The following KALRN variants were observed in gnomAD, a reference collection of about 807,000 sequenced individuals.
KALRN encodes the protein kalirin.
In KALRN, 70 loss-of-function variants were observed where a neutral mutation model predicts 353.7. The ratio of observed to expected loss-of-function variants is 0.20; its 90% CI spans 0.16 to 0.24. The LOEUF (loss-of-function observed/expected upper bound fraction) is 0.24. Among genes scored for constraint, KALRN ranks in the 10% least tolerant of loss-of-function variants. The probability of loss-of-function intolerance (pLI) is 1.00; values close to 1 mark genes in which losing one functional copy is unlikely to be tolerated. For missense variants in KALRN, 2,791 were observed against 3,756.7 expected, an observed-to-expected ratio of 0.74 and a Z score of 6.72; for synonymous variants, 1,391 against 1,434.8, an observed-to-expected ratio of 0.97 and a Z score of 0.69.
At chr3:124,187,991 C>T (rs1042299353) in intron 1 of KALRN, among the ~76,000 whole-genome samples, 12 of 152,162 alleles carry the variant, frequency 7.9e-5, no homozygotes, top group African/African-American at 1.2e-4. Flanking sequence ...CCTAGGGAAA[C>T]ATTTTAAAAA....
At chr3:124,655,034 G>A (rs987515682) in intron 38 of KALRN, among the ~76,000 whole-genome samples, 4 of 152,090 alleles carry the variant, frequency 2.6e-5, no homozygotes, top group African/African-American at 7.2e-5. Flanking sequence ...CTTGACTGGG[G>A]GTTTTCCAGG....
At chr3:124,593,443 A>G (rs2075997039) in intron 34 of KALRN, among the ~76,000 whole-genome samples, 1 of 152,196 alleles carries the variant, frequency 6.6e-6, no homozygotes, top group Non-Finnish European at 1.5e-5. Flanking sequence ...CTGTGTTTTA[A>G]TAAGCCCTCC....
chr3:124,560,868 C>T (rs972868108), intron 33 of KALRN, among the ~76,000 whole-genome samples: 2 of 152,268 alleles, frequency 1.3e-5, no homozygotes, highest in East Asian at 1.9e-4. Flanking sequence ...CAGAATGAGA[C>T]CCTGTCTGGG....
chr3:124,262,123 G>A (rs2072964192), intron 3 of KALRN, among the ~76,000 whole-genome samples: 1 of 152,128 alleles, frequency 6.6e-6, no homozygotes, highest in African/African-American at 2.4e-5. Context: ...CACTGCTGGT[G>A]GACATGTAAG....
At chr3:124,685,035 C>G (rs1376106043) in intron 51 of KALRN, among the ~76,000 whole-genome samples, 1 of 152,092 alleles carries the variant, frequency 6.6e-6, no homozygotes, top group Non-Finnish European at 1.5e-5. Flanking sequence ...ACTTTTACAC[C>G]CCCAGCCAGG....
At chr3:124,301,276 C>G (rs552931309) in intron 6 of KALRN, among the ~76,000 whole-genome samples, 1 of 152,220 alleles carries the variant, frequency 6.6e-6, no homozygotes, top group Non-Finnish European at 1.5e-5. Context: ...TTTCTTCAGA[C>G]AGATTTACTG....
chr3:124,148,077 C>T (rs1047404601), intron 1 of KALRN, among the ~76,000 whole-genome samples: 6 of 152,100 alleles, frequency 3.9e-5, no homozygotes, highest in Non-Finnish European at 8.8e-5. Flanking sequence ...CAAGAAACAT[C>T]CCACCCAGAT....
At chr3:124,246,160 A>G (rs1285229441) in intron 3 of KALRN, among the ~76,000 whole-genome samples, 1 of 152,232 alleles carries the variant, frequency 6.6e-6, no homozygotes, top group Non-Finnish European at 1.5e-5. Flanking sequence ...AAACCTCCGT[A>G]CTGTTTTCCA....
intron 22 of KALRN, 125 bp downstream of exon 22, chr3:124,455,484 C>T (rs189871252): frequency 9.2e-6 from 9 of 973,738 alleles, no homozygotes; most frequent in Admixed American, 5.7e-5. Flanking sequence ...ACTCCTAGAG[C>T]GCTTGACTTG....
At position 124,334,196 on chromosome 3, in the gene KALRN, C is replaced by T. The variant is rs1034945316; in HGVS notation, c.1417-69C>T. Reference sequence around the variant, plus strand: ...CTAGTCAGGGACCCTCAGGCAGACACTTCCTGCTTCTCTCTGTGCCCTGCC... The same window carrying T: ...CTAGTCAGGGACCCTCAGGCAGACATTTCCTGCTTCTCTCTGTGCCCTGCC... On this transcript the variant is annotated intron_variant, in intron 8 of 59. Transcript: ENST00000682506. The surrounding 1 kb of genome is among the most constrained non-coding windows in gnomAD (Gnocchi z 4.2). 17 of 1,353,050 alleles carry T rather than the reference C, an allele frequency of 1.3e-5. No homozygotes were observed. The highest frequency in any genetic ancestry group is 1.8e-5 in the Non-Finnish European group (17 of 948,078). 83.8% of individuals were successfully genotyped at this position (1,353,050 alleles called of 1,614,324 possible).
At chr3:124,223,758 G>A (rs888783576) in intron 1 of KALRN, among the ~76,000 whole-genome samples, 1 of 152,192 alleles carries the variant, frequency 6.6e-6, no homozygotes, top group Admixed American at 6.5e-5. Flanking sequence ...GGGCTGGGGG[G>A]CTCAAGGGCC....
At chr3:124,575,824 T>C (rs1453535226) in intron 34 of KALRN, among the ~76,000 whole-genome samples, 1 of 152,204 alleles carries the variant, frequency 6.6e-6, no homozygotes, top group Non-Finnish European at 1.5e-5. Context: ...TACACTGTCC[T>C]CACCAGAATG....
At chr3:124,303,172 C>T (rs1350836610) in intron 6 of KALRN, among the ~76,000 whole-genome samples, 2 of 152,114 alleles carry the variant, frequency 1.3e-5, no homozygotes, top group African/African-American at 4.8e-5. Flanking sequence ...GAGTGATATC[C>T]TACTAAATAT....
At chr3:124,399,593 A>G (rs2090602110) in intron 13 of KALRN, among the ~76,000 whole-genome samples, 1 of 152,348 alleles carries the variant, frequency 6.6e-6, no homozygotes, top group African/African-American at 2.4e-5. Context: ...CTTAGAGCTG[A>G]TAATATAAAT....
chr3:124,700,256 A>AGTAT (rs2062257886), intron 56 of KALRN, among the ~76,000 whole-genome samples: 1 of 152,214 alleles, frequency 6.6e-6, no homozygotes, highest in African/African-American at 2.4e-5. Flanking sequence ...CTGGGGAATG[A>AGTAT]GTATGTCCCC....
Position 124,725,308 on chromosome 3 carries a change from G to A in KALRN, c.*5838G>A, listed in dbSNP as rs2063405933. On this transcript the variant is annotated 3_prime_UTR_variant, in exon 60 of 60. Transcript: ENST00000682506. ...TTCTGACCCTGGTGCTTTTACTTCT[G>A]TTTCTGCCAAACTTCAGCCTACTCT... 1 of 152,072 alleles carries A rather than the reference G, an allele frequency of 6.6e-6. No individual in the cohort carries two copies. Among genetic ancestry groups the A allele is most frequent in the African/African-American group, 2.4e-5 (1 of 41,398 alleles). 9.4% of individuals were successfully genotyped at this position (152,072 alleles called of 1,614,324 possible).
At chr3:124,345,330 C>A (rs2082157944) in intron 9 of KALRN, among the ~76,000 whole-genome samples, 1 of 152,198 alleles carries the variant, frequency 6.6e-6, no homozygotes, top group South Asian at 2.1e-4. Flanking sequence ...TTTGACCTTG[C>A]ATGCTGAAGC....
chr3:124,700,012 T>G lies in KALRN; in HGVS notation c.7975T>G (p.Phe2659Val). The G allele has an allele frequency of 6.2e-7, 1 of 1,614,034 alleles. No individual in the cohort carries two copies. The highest frequency in any genetic ancestry group is 8.5e-7 in the Non-Finnish European group (1 of 1,179,996). The change falls in exon 56 of 60, where the codon TTT becomes GTT. Residue 2659 changes from phenylalanine to valine, a missense_variant. Physicochemically the swap from Phe to Val is conservative, Grantham distance 50. This residue lies in a region of KALRN where 188 missense variants were observed against 402.9 expected (regional missense o/e 0.47). Coordinates refer to ENST00000682506, the MANE Select transcript of KALRN (RefSeq NM_001388419.1). ...GISLPSEPSE[F>V]VRLPEYDAAA... ...CAGCCTTCCCAGCGAGCCCTCGGAG[T>G]TTGTGCGACTTCCAGAATATGGTGA...
chr3:124,184,236 G>A (rs980026033), intron 1 of KALRN, among the ~76,000 whole-genome samples: 5 of 152,188 alleles, frequency 3.3e-5, no homozygotes, highest in African/African-American at 9.7e-5. Flanking sequence ...AAGTCACTCT[G>A]TGCCCTTATG....
Sources: allele counts gnomAD v4.1 joint callset (sites outside exome capture counted in the v4.1 genomes callset), GRCh38; gene constraint gnomAD v4.1.1; regional missense constraint gnomAD v4.1.1; non-coding constraint Gnocchi (gnomAD v3.1); transcripts MANE v1.5; gene names NCBI Gene and HGNC (gene_info 2026-07-23, HGNC 2026-07-21).